The following AGBL1 variants were observed in gnomAD, a reference collection of about 807,000 sequenced individuals.
The protein encoded by AGBL1 is cytosolic carboxypeptidase 4.
AGBL1 carries 130 observed loss-of-function variants against 118.9 expected under a neutral mutation model. The ratio of observed to expected loss-of-function variants is 1.09; its 90% confidence interval spans 0.95 to 1.26. The LOEUF is 1.26. AGBL1 is among the 50% of genes most tolerant of loss of function. AGBL1 has a pLI of 0.00. For synonymous variants in AGBL1, 555 were observed against 478.9 expected (o/e 1.16, Z -2.08); for missense variants, 1,584 against 1,298.1 (o/e 1.22, Z -3.38).
At chr15:86,991,766 A>T (rs1342618231) in intron 24 of AGBL1, among the ~76,000 whole-genome samples, 4 of 152,162 alleles carry the variant, frequency 2.6e-5, no homozygotes, top group African/African-American at 9.7e-5. Context: ...TTCCTCACAC[A>T]TTCTGGTCAA....
At chr15:86,441,915 A>G (rs545575396) in intron 18 of AGBL1, among the ~76,000 whole-genome samples, 2 of 152,348 alleles carry the variant, frequency 1.3e-5, no homozygotes, top group African/African-American at 4.8e-5. Flanking sequence ...AAGGATCAGA[A>G]GAACTTAAGG....
Position 86,195,215 on chromosome 15 carries a change from T to C in AGBL1, c.489-29699T>C, listed in dbSNP as rs75710628. ...CTATAGGAAAGACAGATGTTAATCA[T>C]AACATCCCACAAATCCTTGTAAAAT... is the stretch of plus-strand genomic sequence containing the variant. On this transcript the variant is annotated intron_variant, in intron 5 of 22. Coordinates refer to ENST00000614907, the MANE Select transcript of AGBL1 (RefSeq NM_001386094.1). Among the ~76,000 whole-genome samples the C allele has an allele frequency of 4.7e-3, 723 of 152,296 alleles. 8 individuals are homozygous for C. Among genetic ancestry groups the C allele is most frequent in the African/African-American group, 0.017 (691 of 41,560 alleles).
chr15:86,854,544 T>G (rs1327671901), intron 22 of AGBL1, among the ~76,000 whole-genome samples: 1 of 152,194 alleles, frequency 6.6e-6, no homozygotes, highest in Non-Finnish European at 1.5e-5. Context: ...ACAGTCAATT[T>G]GGAGCCAGTG....
At chr15:86,654,824 T>C (rs1033163935) in intron 21 of AGBL1, among the ~76,000 whole-genome samples, 1 of 152,122 alleles carries the variant, frequency 6.6e-6, no homozygotes, top group Non-Finnish European at 1.5e-5. Context: ...CATACAGCCT[T>C]TCCTGACTAA....
chr15:86,551,992 A>G (rs1346459523), intron 20 of AGBL1, among the ~76,000 whole-genome samples: 1 of 152,126 alleles, frequency 6.6e-6, no homozygotes. Flanking sequence ...AAGGAAGGAA[A>G]AATAGGTGGA....
At position 86,653,171 on chromosome 15, in the gene AGBL1, A is replaced by C. The variant is rs533657182; in HGVS notation, c.2995-21102A>C. Among the ~76,000 whole-genome samples, 12 of 152,254 alleles carry C rather than the reference A, an allele frequency of 7.9e-5. No homozygotes were observed. The South Asian group carries it at 2.5e-3, about 32-fold the overall frequency. ...CATAACCTCCTCAAATGCAAACCAA[A>C]ATGAGTTATGTCAGCACAAACATCC... On this transcript the variant is annotated intron_variant, in intron 21 of 22. Coordinates refer to ENST00000614907, the MANE Select transcript of AGBL1 (RefSeq NM_001386094.1).
At chr15:86,683,082 G>A (rs1287564562) in intron 22 of AGBL1, among the ~76,000 whole-genome samples, 1 of 152,130 alleles carries the variant, frequency 6.6e-6, no homozygotes, top group Non-Finnish European at 1.5e-5. Flanking sequence ...GCAAAGCAGA[G>A]TAATTAATGG....
chr15:86,364,297 G>T (rs1479272268), intron 17 of AGBL1, among the ~76,000 whole-genome samples: 2 of 152,142 alleles, frequency 1.3e-5, no homozygotes, highest in Non-Finnish European at 2.9e-5. Flanking sequence ...CTCACTGTGG[G>T]CCAGGCATTG....
chr15:86,225,100 G>A (rs2078341000), intron 6 of AGBL1, 149 bp downstream of exon 6: 1 of 815,306 alleles, frequency 1.2e-6, no homozygotes, highest in Non-Finnish European at 2.0e-6. Context: ...CCTTGAAAGT[G>A]ATAAAGTCAT....
chr15:86,158,259 C>T (rs891516780), intron 4 of AGBL1, among the ~76,000 whole-genome samples: 1 of 152,190 alleles, frequency 6.6e-6, no homozygotes, highest in Non-Finnish European at 1.5e-5. Flanking sequence ...CTTCAGATTT[C>T]CATTTAGCTT....
chr15:86,396,345 A>T (rs558180842), intron 17 of AGBL1, among the ~76,000 whole-genome samples: 1 of 151,494 alleles, frequency 6.6e-6, no homozygotes, highest in East Asian at 1.9e-4. Flanking sequence ...CAGCACTATG[A>T]TACTCCAGCT....
chr15:86,703,113 A>G (rs547149039), intron 22 of AGBL1, among the ~76,000 whole-genome samples: 1 of 152,302 alleles, frequency 6.6e-6, no homozygotes, highest in East Asian at 1.9e-4. Flanking sequence ...GCTTTTATCA[A>G]CTGGGTAGAG....
At chr15:86,760,090 T>C (rs1413423074) in intron 22 of AGBL1, among the ~76,000 whole-genome samples, 1 of 152,122 alleles carries the variant, frequency 6.6e-6, no homozygotes, top group Admixed American at 6.6e-5. Context: ...ATCCCACTGA[T>C]GATCAACTAC....
intron 22 of AGBL1, among the ~76,000 whole-genome samples, chr15:86,765,637 A>T (rs896012435): frequency 6.6e-6 from 1 of 151,996 alleles, no homozygotes; most frequent in Non-Finnish European, 1.5e-5. Context: ...TTCCAAGTAC[A>T]GGCGAAAGTC....
At chr15:86,998,445 G>T (rs1312154921) in intron 24 of AGBL1, among the ~76,000 whole-genome samples, 3 of 152,222 alleles carry the variant, frequency 2.0e-5, no homozygotes, top group Middle Eastern at 3.4e-3. Context: ...CACATGAATT[G>T]GGAGTGGATA....
chr15:86,175,354 A>G (rs898656002), intron 5 of AGBL1, among the ~76,000 whole-genome samples: 1 of 152,100 alleles, frequency 6.6e-6, no homozygotes, highest in East Asian at 1.9e-4. Flanking sequence ...TGGTATCAGG[A>G]GTAATACCTC....
At chr15:86,669,306 T>C (rs957924816) in intron 21 of AGBL1, among the ~76,000 whole-genome samples, 1 of 152,094 alleles carries the variant, frequency 6.6e-6, no homozygotes, top group Admixed American at 6.5e-5. Context: ...ACAAGTAGAT[T>C]CAATCTAGTT....
At chr15:86,429,900 C>G (rs945860020) in intron 18 of AGBL1, among the ~76,000 whole-genome samples, 1 of 152,230 alleles carries the variant, frequency 6.6e-6, no homozygotes, top group Non-Finnish European at 1.5e-5. Flanking sequence ...CTTGTCCACA[C>G]TGGCCTGGAG....
At chr15:86,262,125 C>T (rs988125057) in intron 9 of AGBL1, among the ~76,000 whole-genome samples, 2 of 85,912 alleles carry the variant, frequency 2.3e-5, no homozygotes, top group Non-Finnish European at 4.5e-5. Flanking sequence ...AACTTTACCT[C>T]CTTATGAGTC....
Sources: gnomAD v4.1 joint callset for allele counts (sites outside exome capture counted in the v4.1 genomes callset) on GRCh38, gnomAD v4.1.1 for gene constraint, MANE v1.5 for transcripts, NCBI Gene and HGNC (gene_info 2026-07-23, HGNC 2026-07-21) for gene names.